Variants in TENM4 observed in about 807,000 individuals in gnomAD.
TENM4 encodes teneurin transmembrane protein 4.
A neutral mutation model predicts 243.3 loss-of-function variants in TENM4; 82 were observed. The observed-to-expected ratio is 0.34, with a 90% CI of 0.28 to 0.40. The LOEUF (loss-of-function observed/expected upper bound fraction) is 0.40. TENM4 is among the 10% of genes least tolerant of loss of function. The probability of loss-of-function intolerance (pLI) is 1.00; values close to 1 mark genes in which losing one functional copy is unlikely to be tolerated. For missense variants in TENM4, 3,138 were observed against 3,673.3 expected, an observed-to-expected ratio of 0.85 and a Z score of 3.77; for synonymous variants, 1,412 against 1,456.3, an observed-to-expected ratio of 0.97 and a Z score of 0.69.
chr11:78,703,944 C>G (rs11607768), intron 27 of TENM4, among the ~76,000 whole-genome samples: 5,054 of 150,648 alleles, frequency 0.034, 234 homozygotes, highest in East Asian at 0.23. Flanking sequence ...CTCCACCTTC[C>G]AGGCTAAAGC....
At chr11:79,421,073 C>T (rs1230455527) in intron 1 of TENM4, among the ~76,000 whole-genome samples, 5 of 152,246 alleles carry the variant, frequency 3.3e-5, no homozygotes, top group South Asian at 2.1e-4. Context: ...ATTTTTTAAA[C>T]GTGACTCTCC....
chr11:79,117,540 T>C (rs1213980281), intron 4 of TENM4, among the ~76,000 whole-genome samples: 1 of 152,194 alleles, frequency 6.6e-6, no homozygotes, highest in Non-Finnish European at 1.5e-5. Flanking sequence ...GACCTTGGCT[T>C]CATCAAGCCT....
Position 78,672,063 on chromosome 11 carries a change from C to T in TENM4, c.5763G>A (p.Gly1921=). 2 of 1,613,932 alleles carry T rather than the reference C, an allele frequency of 1.2e-6. No individual in the cohort carries two copies. Among genetic ancestry groups the T allele is most frequent in the Non-Finnish European group, 1.7e-6 (2 of 1,179,860 alleles). ...CTAAGTATGTGTAGCTCCATGTCTT[C>T]CCATCAGCGAAGATCCTGGATGTGA... is the stretch of plus-strand genomic sequence containing the variant. ...GRITSRIFAD[G]KTWSYTYLEK... is the part of the protein sequence containing the mutation. The change falls in exon 31 of 34, where the codon GGG becomes GGA. Residue 1921 remains glycine, a synonymous_variant. Transcript: ENST00000278550.
chr11:79,279,326 G>A (rs1029691389), intron 2 of TENM4, among the ~76,000 whole-genome samples: 1 of 152,158 alleles, frequency 6.6e-6, no homozygotes, highest in African/African-American at 2.4e-5. Flanking sequence ...ACAATCTTCT[G>A]AGAGTAGCAA....
At chr11:79,182,600 C>G (rs1863305476) in intron 3 of TENM4, among the ~76,000 whole-genome samples, 2 of 151,978 alleles carry the variant, frequency 1.3e-5, no homozygotes, top group African/African-American at 4.8e-5. Flanking sequence ...AACTTATGCT[C>G]TCTGGAAAAT....
chr11:78,921,394 C>T (rs1856443916), intron 6 of TENM4, among the ~76,000 whole-genome samples: 1 of 152,232 alleles, frequency 6.6e-6, no homozygotes, highest in Admixed American at 6.5e-5. Context: ...AGAAATACAA[C>T]TCTGTTTTTC....
At chr11:79,437,364 G>T (rs764068577) in intron 1 of TENM4, among the ~76,000 whole-genome samples, 1 of 152,220 alleles carries the variant, frequency 6.6e-6, no homozygotes, top group Non-Finnish European at 1.5e-5. Context: ...ACTGCAGAGC[G>T]CCCGGAGCGC....
rs1467753716 is a variant in TENM4, at chr11:78,658,812, A to G, written c.7556T>C (p.Ile2519Thr). 7.5e-6 allele frequency: 12 copies of G among 1,608,074 alleles called. No homozygotes were observed. The highest frequency in any genetic ancestry group is 1.3e-5 in the African/African-American group (1 of 74,808). The change falls in exon 34 of 34, where the codon ATC becomes ACC. Residue 2519 changes from isoleucine (I) to threonine (T), a missense_variant. Physicochemically the swap from Ile to Thr is moderately conservative, Grantham distance 89. Around this residue, in one of 2 missense-constraint regions of TENM4, gnomAD observed 2,467 missense variants for 3,059.1 expected, o/e 0.81. Transcript: ENST00000278550. The stretch of plus-strand genomic sequence containing the variant: ...CTGTACTTCACACTGTACCCCGAGG[A>G]TAGACTGATGGGGGAGGAGAGTGAG... The part of the protein sequence containing the change: ...KTQEWDNSKS[I>T]LGVQCEVQKQ...
chr11:79,104,271 G>C (rs1269184929), intron 4 of TENM4, among the ~76,000 whole-genome samples: 1 of 152,126 alleles, frequency 6.6e-6, no homozygotes, highest in Non-Finnish European at 1.5e-5. Context: ...TGTCTCATAG[G>C]TATTCAAGAA....
rs180960389 is a variant in TENM4 at position 78,959,369 on chromosome 11, A to G, written c.494-55846T>C. On this transcript the variant is annotated intron_variant, in intron 6 of 33. Coordinates refer to ENST00000278550, the MANE Select transcript of TENM4 (RefSeq NM_001098816.3). ...TTTTTTCCATGAAAAAAATCAAATT[A>G]AAAACCATAAAAGCATTTATTAGGC... Among the ~76,000 whole-genome samples, 12 of 152,364 alleles carry G rather than the reference A, an allele frequency of 7.9e-5. No homozygotes were observed. The East Asian group carries it at 2.1e-3, about 27-fold the overall frequency.
intron 6 of TENM4, among the ~76,000 whole-genome samples, chr11:79,064,406 A>C (rs1182828559): frequency 6.6e-6 from 1 of 152,158 alleles, no homozygotes; most frequent in Non-Finnish European, 1.5e-5. Context: ...GGCCTTGCTG[A>C]TTTGATGGAG....
chr11:78,810,612 A>G (rs1304951290), intron 14 of TENM4, among the ~76,000 whole-genome samples: 1 of 152,182 alleles, frequency 6.6e-6, no homozygotes, highest in Non-Finnish European at 1.5e-5. Context: ...AGACAGCCCA[A>G]AGTAATCCCC....
At chr11:78,975,402 G>A (rs1201223075) in intron 6 of TENM4, among the ~76,000 whole-genome samples, 3 of 152,062 alleles carry the variant, frequency 2.0e-5, no homozygotes, top group African/African-American at 7.2e-5. Context: ...GATTATCTCT[G>A]ACTGTCAAAA....
intron 21 of TENM4, among the ~76,000 whole-genome samples, chr11:78,731,578 C>G (rs1855669114): frequency 6.6e-6 from 1 of 152,250 alleles, no homozygotes; most frequent in African/African-American, 2.4e-5. Context: ...ACACTGACAT[C>G]TCTCCACTTC....
chr11:78,939,923 A>G (rs906675055), intron 6 of TENM4, among the ~76,000 whole-genome samples: 1 of 152,182 alleles, frequency 6.6e-6, no homozygotes, highest in Non-Finnish European at 1.5e-5. Flanking sequence ...GGAGTGAAAT[A>G]AATTAATTTG....
intron 12 of TENM4, among the ~76,000 whole-genome samples, chr11:78,823,182 G>A (rs1341721464): frequency 6.6e-6 from 1 of 152,224 alleles, no homozygotes; most frequent in Non-Finnish European, 1.5e-5. Context: ...TCTGAGGAGA[G>A]GCGAGCGCTC....
At chr11:79,432,285 C>T (rs895458183) in intron 1 of TENM4, among the ~76,000 whole-genome samples, 6 of 152,104 alleles carry the variant, frequency 3.9e-5, no homozygotes, top group East Asian at 1.9e-4. Context: ...TCCAATGCAA[C>T]GTGAATGCTA....
intron 6 of TENM4, among the ~76,000 whole-genome samples, chr11:78,946,712 G>T (rs1857008321): frequency 6.6e-6 from 1 of 152,218 alleles, no homozygotes; most frequent in Non-Finnish European, 1.5e-5. Context: ...TAGGAGAGGG[G>T]TGAAATATTA....
intron 21 of TENM4, 65 bp from the exon 22 acceptor site, chr11:78,729,708 C>T (rs1855606096): frequency 2.4e-5 from 37 of 1,533,168 alleles, no homozygotes; most frequent in Admixed American, 7.7e-5. Context: ...GGGAAGATGG[C>T]GTGGCCCCAT....
Sources: gnomAD v4.1 joint callset for allele counts (sites outside exome capture counted in the v4.1 genomes callset) on GRCh38, gnomAD v4.1.1 for gene constraint, gnomAD v4.1.1 regional missense constraint, MANE v1.5 for transcripts, NCBI Gene and HGNC (gene_info 2026-07-23, HGNC 2026-07-21) for gene names.